The following MED12L variants were observed in gnomAD, a reference collection of about 807,000 sequenced individuals.
MED12L encodes mediator complex subunit 12L.
A neutral mutation model predicts 281.3 loss-of-function variants in MED12L; 60 were observed. That is an observed-to-expected ratio of 0.21 (90% CI 0.17 to 0.26). MED12L has a LOEUF of 0.26. MED12L is among the 10% of genes least tolerant of loss of function. The pLI, the probability that MED12L is intolerant of heterozygous loss-of-function variation, is 1.00. For synonymous variants in MED12L, 974 were observed against 987.2 expected (o/e 0.99, Z 0.25); for missense variants, 2,146 against 2,680.9 (o/e 0.80, Z 4.41).
At position 151,394,770 on chromosome 3, in the gene MED12L, C is replaced by A. The variant is rs928975145; in HGVS notation, c.5723C>A (p.Ala1908Glu). 8 of 1,614,108 alleles carry A rather than the reference C, an allele frequency of 5.0e-6. No individual in the cohort carries two copies. Among genetic ancestry groups the A allele is most frequent in the Non-Finnish European group, 6.8e-6 (8 of 1,180,038 alleles). Residue 1908 changes from alanine (A) to glutamate (E), a missense_variant, in exon 39 of 45, where the codon GCA becomes GAA. Coordinates refer to ENST00000687756, the MANE Select transcript of MED12L (RefSeq NM_001393769.1). ...GAMMQPPSLH[A>E]ITSQQQLIQM... ...ATGATGCAGCCGCCTTCTCTTCATGCAATCACATCGCAGCAGCAGTTGATA... is the reference window on the plus strand; with the variant it reads ...ATGATGCAGCCGCCTTCTCTTCATGAAATCACATCGCAGCAGCAGTTGATA...
At chr3:151,323,600 G>A (rs986030734) in intron 16 of MED12L, among the ~76,000 whole-genome samples, 1 of 152,152 alleles carries the variant, frequency 6.6e-6, no homozygotes, top group Non-Finnish European at 1.5e-5. Flanking sequence ...TTTTCTTCAA[G>A]TTCCAGTTCA....
chr3:151,146,481 T>C (rs1717775362), intron 5 of MED12L, among the ~76,000 whole-genome samples: 2 of 152,204 alleles, frequency 1.3e-5, no homozygotes, highest in Admixed American at 1.3e-4. Flanking sequence ...CTTTGTAGCC[T>C]CATATCCCAG....
At chr3:151,426,425 G>A (rs1238443652) in intron 43 of MED12L, among the ~76,000 whole-genome samples, 1 of 152,154 alleles carries the variant, frequency 6.6e-6, no homozygotes, top group Admixed American at 6.5e-5. Context: ...CTAGTGGTAG[G>A]TGCTCCAGAG....
intron 17 of MED12L, among the ~76,000 whole-genome samples, chr3:151,353,731 TG>T (rs796796701): frequency 4.3e-4 from 66 of 152,360 alleles, no homozygotes; most frequent in African/African-American, 1.6e-3. Context: ...GTTCATTTCT[TG>T]TGTCTTTAAT....
chr3:151,425,928 T>G (rs1157612784), intron 43 of MED12L, among the ~76,000 whole-genome samples: 1 of 152,090 alleles, frequency 6.6e-6, no homozygotes, highest in Non-Finnish European at 1.5e-5. Flanking sequence ...GGGGAGGAAG[T>G]GTATTCCAGG....
chr3:151,148,850 G>T (rs1718083970), intron 5 of MED12L, among the ~76,000 whole-genome samples: 1 of 152,092 alleles, frequency 6.6e-6, no homozygotes. Flanking sequence ...ACATTTACAA[G>T]GAAATTTATT....
At chr3:151,399,721 T>A (rs1715420518) in intron 39 of MED12L, among the ~76,000 whole-genome samples, 1 of 152,258 alleles carries the variant, frequency 6.6e-6, no homozygotes, top group Non-Finnish European at 1.5e-5. Flanking sequence ...ACTCGGTATT[T>A]TTCTTTTGAC....
chr3:151,110,406 A>AG (rs1187628411), intron 2 of MED12L, among the ~76,000 whole-genome samples: 1 of 152,212 alleles, frequency 6.6e-6, no homozygotes. Flanking sequence ...TTCCTCTAAA[A>AG]GGGGTCTATT....
intron 5 of MED12L, among the ~76,000 whole-genome samples, chr3:151,136,523 C>T (rs1263847036): frequency 6.6e-6 from 1 of 152,152 alleles, no homozygotes; most frequent in East Asian, 1.9e-4. Context: ...TAGGTTTTAA[C>T]CGGTGAGGTA....
chr3:151,413,056 G>T, intron 41 of MED12L, 83 bp from the exon 42 acceptor site: 1 of 1,446,882 alleles, frequency 6.9e-7, no homozygotes, highest in South Asian at 1.3e-5. Context: ...TTTCTTGGTT[G>T]GTGTATGTCA....
intron 3 of MED12L, among the ~76,000 whole-genome samples, chr3:151,117,836 A>T (rs1281433708): frequency 6.6e-6 from 1 of 152,146 alleles, no homozygotes; most frequent in Non-Finnish European, 1.5e-5. Flanking sequence ...CACACTTGTA[A>T]TCCCAGCACT....
intron 16 of MED12L, among the ~76,000 whole-genome samples, chr3:151,203,651 A>G (rs1396870063): frequency 2.6e-5 from 4 of 152,020 alleles, no homozygotes; most frequent in Non-Finnish European, 5.9e-5. Flanking sequence ...TGTGTTTTAC[A>G]GAGTCAGCTA....
At position 151,433,577 on chromosome 3, in the gene MED12L, T is replaced by C. The variant is rs1359077585; in HGVS notation, c.*773T>C. The C allele has an allele frequency of 6.6e-6, 1 of 152,370 alleles. No individual in the cohort carries two copies. The highest frequency in any genetic ancestry group is 1.5e-5 in the Non-Finnish European group (1 of 68,032). The allele number at this position is 152,370 out of a possible 1,614,324, so 9.4% of individuals were successfully genotyped here. On this transcript the variant is annotated 3_prime_UTR_variant, in exon 45 of 45. Transcript: ENST00000687756. ...TGAGAGTCATTGTGAAGGTACAACA[T>C]GTAAATCCTAAAGGCCTGAAAGAAC...
At chr3:151,109,061 A>ATTTTT (rs11370443) in intron 2 of MED12L, among the ~76,000 whole-genome samples, 8 of 146,722 alleles carry the variant, frequency 5.5e-5, no homozygotes, top group Non-Finnish European at 1.2e-4. Flanking sequence ...GAAGGTCTGA[A>ATTTTT]TTTTTTTTTT....
chr3:151,397,864 G>A (rs1475935945), intron 39 of MED12L, among the ~76,000 whole-genome samples: 1 of 152,150 alleles, frequency 6.6e-6, no homozygotes, highest in Non-Finnish European at 1.5e-5. Flanking sequence ...AAACATATTA[G>A]AGAATTTCCA....
At chr3:151,424,419 GA>G (rs1381132260) in intron 43 of MED12L, among the ~76,000 whole-genome samples, 1 of 152,148 alleles carries the variant, frequency 6.6e-6, no homozygotes, top group East Asian at 1.9e-4. Context: ...AGGAGATTGA[GA>G]CCATCCTGGC....
intron 5 of MED12L, among the ~76,000 whole-genome samples, chr3:151,141,098 A>G (rs974477518): frequency 1.3e-5 from 2 of 150,196 alleles, no homozygotes; most frequent in African/African-American, 4.9e-5. Flanking sequence ...CGATCTCCTG[A>G]CCTTGTGATC....
chr3:151,149,277 A>G (rs914421538), intron 5 of MED12L, among the ~76,000 whole-genome samples: 3 of 152,210 alleles, frequency 2.0e-5, no homozygotes, highest in Non-Finnish European at 2.9e-5. Flanking sequence ...AATACAGGCA[A>G]GTAGAGAAGG....
At chr3:151,426,820 CTTTTTT>C (rs34363787) in intron 43 of MED12L, among the ~76,000 whole-genome samples, 1 of 142,562 alleles carries the variant, frequency 7.0e-6, no homozygotes, top group Admixed American at 7.0e-5. Context: ...CATGGTTTTA[CTTTTTT>C]TTTTTTTTTG....
Sources: gnomAD v4.1 joint callset for allele counts (sites outside exome capture counted in the v4.1 genomes callset) on GRCh38, gnomAD v4.1.1 for gene constraint, MANE v1.5 for transcripts, NCBI Gene and HGNC (gene_info 2026-07-23, HGNC 2026-07-21) for gene names.